ATL1: variants seen among roughly 807,000 people sequenced by gnomAD.
The protein encoded by ATL1 is atlastin-1.
In ATL1, 31 loss-of-function variants were observed where a neutral mutation model predicts 75.5. The ratio of observed to expected loss-of-function variants is 0.41; its 90% confidence interval spans 0.31 to 0.55. The LOEUF (loss-of-function observed/expected upper bound fraction) is 0.55. Ranked by LOEUF, ATL1 falls within the 20% of genes least tolerant of loss-of-function variation. The pLI, the probability that ATL1 is intolerant of heterozygous loss-of-function variation, is 0.27. For missense variants in ATL1, 405 were observed against 662.6 expected (o/e 0.61, Z 4.27); for synonymous variants, 226 against 233.3 (o/e 0.97, Z 0.28).
chr14:50,581,448 A>G (rs2039053943), intron 1 of ATL1, among the ~76,000 whole-genome samples: 1 of 152,182 alleles, frequency 6.6e-6, no homozygotes, highest in South Asian at 2.1e-4. Flanking sequence ...GGCTTTTCAT[A>G]AAGCTATTTT....
At chr14:50,597,233 AG>A (rs1341215852) in intron 6 of ATL1, among the ~76,000 whole-genome samples, 1 of 103,490 alleles carries the variant, frequency 9.7e-6, no homozygotes, top group African/African-American at 3.4e-5. Flanking sequence ...AAAAAAAAAA[AG>A]AAAAAAGAAA....
chr14:50,613,103 G>T (rs146056704), intron 6 of ATL1, among the ~76,000 whole-genome samples, 156 bp from the exon 7 acceptor site: 7 of 152,228 alleles, frequency 4.6e-5, no homozygotes, highest in Non-Finnish European at 8.8e-5. Context: ...GGGAGAGACT[G>T]CCCAGACACT....
chr14:50,572,979 T>G (rs2038967752), intron 1 of ATL1, among the ~76,000 whole-genome samples: 1 of 152,166 alleles, frequency 6.6e-6, no homozygotes, highest in Admixed American at 6.6e-5. Flanking sequence ...CTTCACATGG[T>G]TGCAGGAGAG....
At chr14:50,555,053 G>A (rs1200026957) in intron 1 of ATL1, among the ~76,000 whole-genome samples, 1 of 152,298 alleles carries the variant, frequency 6.6e-6, no homozygotes, top group East Asian at 1.9e-4. Context: ...GTGGGACATG[G>A]TAGGTCAATG....
intron 1 of ATL1, among the ~76,000 whole-genome samples, chr14:50,546,993 C>T (rs534595817): frequency 6.6e-6 from 1 of 152,154 alleles, no homozygotes; most frequent in Admixed American, 6.5e-5. Flanking sequence ...CCCTAGCCCC[C>T]CACCCCCCAA....
upstream of ATL1, among the ~76,000 whole-genome samples, chr14:50,557,543 A>G (rs1272713257): frequency 6.6e-6 from 1 of 152,196 alleles, no homozygotes; most frequent in African/African-American, 2.4e-5. Context: ...CACCTACATA[A>G]CATTCTATTG....
chr14:50,596,068 C>T (rs565777867), intron 6 of ATL1, among the ~76,000 whole-genome samples: 1 of 152,002 alleles, frequency 6.6e-6, no homozygotes, highest in Non-Finnish European at 1.5e-5. Context: ...CAGGCACATA[C>T]TAAGTGAAGG....
chr14:50,603,228 T>C (rs1772442213), intron 6 of ATL1, among the ~76,000 whole-genome samples: 1 of 152,220 alleles, frequency 6.6e-6, no homozygotes, highest in South Asian at 2.1e-4. Flanking sequence ...TTCTCTTCCA[T>C]GTCCTCAGTG....
chr14:50,538,869 C>T (rs775981909), intron 1 of ATL1, among the ~76,000 whole-genome samples: 14 of 152,182 alleles, frequency 9.2e-5, no homozygotes, highest in Non-Finnish European at 2.1e-4. Context: ...AATGCAGTGG[C>T]TATTAACAAG....
chr14:50,554,305 G>A (rs11846200), intron 1 of ATL1, among the ~76,000 whole-genome samples: 1,792 of 152,194 alleles, frequency 0.012, 35 homozygotes, highest in African/African-American at 0.041. Flanking sequence ...TTGGAGTTAC[G>A]TTTTGCTAAC....
chr14:50,590,192 C>A (rs1261910819), intron 2 of ATL1, among the ~76,000 whole-genome samples: 1 of 152,154 alleles, frequency 6.6e-6, no homozygotes, highest in African/African-American at 2.4e-5. Context: ...TATTATAGCA[C>A]CCCCACCTTT....
chr14:50,598,179 A>G (rs2039239026), intron 6 of ATL1, among the ~76,000 whole-genome samples: 1 of 152,182 alleles, frequency 6.6e-6, no homozygotes, highest in Non-Finnish European at 1.5e-5. Flanking sequence ...TAAACCAAAG[A>G]GATATAATAT....
intron 6 of ATL1, among the ~76,000 whole-genome samples, chr14:50,606,572 C>T (rs557155202): frequency 3.8e-4 from 57 of 151,902 alleles, no homozygotes; most frequent in Non-Finnish European, 6.3e-4. Context: ...AGAGAGTGTC[C>T]TCTTGAAGGT....
chr14:50,593,104 T>C (rs919363359), intron 4 of ATL1, among the ~76,000 whole-genome samples: 14 of 151,782 alleles, frequency 9.2e-5, no homozygotes, highest in Non-Finnish European at 1.8e-4. Context: ...GCCATACTTA[T>C]ACAAGCCTAT....
chr14:50,628,563 T>G, intron 12 of ATL1, 101 bp downstream of exon 12: 1 of 1,253,970 alleles, frequency 8.0e-7, no homozygotes. Context: ...TCAACAGGAA[T>G]TGGGCCCCAG....
chr14:50,605,095 G>C (rs1595609635), intron 6 of ATL1, among the ~76,000 whole-genome samples: 1 of 151,874 alleles, frequency 6.6e-6, no homozygotes, highest in Non-Finnish European at 1.5e-5. Flanking sequence ...ATGATAATTT[G>C]GAAGGATTGA....
chr14:50,611,343 TA>T (rs143241848), intron 6 of ATL1, among the ~76,000 whole-genome samples: 25,808 of 152,134 alleles, frequency 0.17, 2,527 homozygotes, highest in African/African-American at 0.27. Flanking sequence ...TTCAGGATGA[TA>T]TGGGAACACA....
intron 3 of ATL1, 113 bp downstream of exon 3, chr14:50,591,188 C>T: frequency 9.2e-7 from 1 of 1,091,126 alleles, no homozygotes; most frequent in Non-Finnish European, 1.3e-6. Context: ...TGACATGAAG[C>T]TTAAAGTGGG....
intron 1 of ATL1, among the ~76,000 whole-genome samples, chr14:50,553,440 A>AT (rs1013439814): frequency 6.6e-6 from 1 of 151,244 alleles, no homozygotes; most frequent in South Asian, 2.1e-4. Context: ...TAATTTAAAA[A>AT]TTAAAAAAAA....
Sources: allele counts gnomAD v4.1 joint callset (sites outside exome capture counted in the v4.1 genomes callset), GRCh38; gene constraint gnomAD v4.1.1; transcripts MANE v1.5; gene names NCBI Gene and HGNC (gene_info 2026-07-23, HGNC 2026-07-21).